Variants in FSTL5 observed in about 807,000 individuals in gnomAD.
FSTL5 encodes follistatin like 5.
Under a neutral mutation model 89.1 loss-of-function variants are expected in FSTL5, and 62 were observed. That is an observed-to-expected ratio of 0.70 (90% CI 0.57 to 0.86). The LOEUF (loss-of-function observed/expected upper bound fraction) is 0.86. Among genes scored for constraint, FSTL5 ranks in the 40% least tolerant of loss-of-function variants. FSTL5 has a pLI of 0.00. For synonymous variants in FSTL5, 383 were observed against 346.2 expected (o/e 1.11, Z -1.18); for missense variants, 1,057 against 1,001.6 (o/e 1.06, Z -0.75).
At chr4:161,947,253 TTCTA>T (rs72338368) in intron 3 of FSTL5, among the ~76,000 whole-genome samples, 76,753 of 151,192 alleles carry the variant, frequency 0.51, 20,885 homozygotes, top group Non-Finnish European at 0.61. Context: ...TTTTTTAAAG[TTCTA>T]TCTATCTTTT....
At chr4:161,919,551 G>A (rs1733934776) in intron 4 of FSTL5, among the ~76,000 whole-genome samples, 1 of 152,090 alleles carries the variant, frequency 6.6e-6, no homozygotes, top group African/African-American at 2.4e-5. Context: ...TATTAAACAG[G>A]TTTTTAAGTG....
intron 7 of FSTL5, among the ~76,000 whole-genome samples, chr4:161,633,167 A>T (rs944609966): frequency 6.6e-6 from 1 of 151,782 alleles, no homozygotes; most frequent in East Asian, 1.9e-4. Flanking sequence ...AAATTTATTA[A>T]AATAGCAAAA....
intron 4 of FSTL5, among the ~76,000 whole-genome samples, chr4:161,880,927 AT>A (rs969172972): frequency 6.6e-6 from 1 of 152,012 alleles, no homozygotes; most frequent in Non-Finnish European, 1.5e-5. Flanking sequence ...AGCAAAGGAA[AT>A]TTTTTTGAGT....
intron 8 of FSTL5, among the ~76,000 whole-genome samples, chr4:161,555,741 C>T (rs1732364212): frequency 6.6e-6 from 1 of 151,562 alleles, no homozygotes; most frequent in South Asian, 2.1e-4. Flanking sequence ...ATTCCCAGCC[C>T]ATTGCTAGGC....
intron 15 of FSTL5, among the ~76,000 whole-genome samples, chr4:161,437,568 AAAAAAAAAAAAAAACGAGGTCAG>A (rs1163426279): frequency 1.9e-5 from 2 of 106,168 alleles, no homozygotes; most frequent in African/African-American, 5.8e-5. Context: ...TCCGTCTCAA[AAAAAAAAAAAAAAACGAGGTCAG>A]AAAAGGTCTT....
At chr4:162,136,817 A>C (rs1321361831) in intron 1 of FSTL5, among the ~76,000 whole-genome samples, 1 of 152,094 alleles carries the variant, frequency 6.6e-6, no homozygotes, top group African/African-American at 2.4e-5. Context: ...GAGATTAAAA[A>C]AAAATCCTGA....
intron 2 of FSTL5, among the ~76,000 whole-genome samples, chr4:162,082,628 T>A (rs1477482724): frequency 2.0e-5 from 3 of 151,434 alleles, no homozygotes; most frequent in Admixed American, 1.3e-4. Flanking sequence ...CTAGGCCCAA[T>A]TCATTTATTT....
intron 10 of FSTL5, 114 bp downstream of exon 10, chr4:161,538,048 ATTTG>A: frequency 1.2e-6 from 1 of 852,982 alleles, no homozygotes; most frequent in Non-Finnish European, 1.8e-6. Context: ...TATAAAATCT[ATTTG>A]TTATAATGCA....
chr4:161,749,588 G>C lies in FSTL5; in HGVS notation c.727+9823C>G, dbSNP rs181606327. On this transcript the variant is annotated intron_variant, in intron 6 of 15. Transcript: ENST00000306100. ...TGAGGCGGGCGGATCCCGAGGTCAG[G>C]AGATCAAGACCATCCTAGCTAACAC... is the stretch of plus-strand genomic sequence containing the variant. Among the ~76,000 whole-genome samples the C allele has an allele frequency of 2.1e-3, 319 of 152,120 alleles. 2 individuals are homozygous for C. Among genetic ancestry groups the C allele is most frequent in the African/African-American group, 7.2e-3 (299 of 41,548 alleles).
intron 7 of FSTL5, among the ~76,000 whole-genome samples, chr4:161,605,426 T>C (rs1734404656): frequency 6.6e-6 from 1 of 151,984 alleles, no homozygotes; most frequent in African/African-American, 2.4e-5. Flanking sequence ...ACATGTTTGT[T>C]AAAAAAAATT....
chr4:162,069,311 A>G (rs1220163142), intron 2 of FSTL5, among the ~76,000 whole-genome samples: 2 of 152,042 alleles, frequency 1.3e-5, no homozygotes, highest in Non-Finnish European at 2.9e-5. Flanking sequence ...ATAGTTTAAT[A>G]TATGTATACA....
At chr4:162,094,206 G>A (rs1443895656) in intron 2 of FSTL5, among the ~76,000 whole-genome samples, 1 of 152,064 alleles carries the variant, frequency 6.6e-6, no homozygotes, top group Non-Finnish European at 1.5e-5. Context: ...GGCTAACAGG[G>A]TGAACCCCTT....
intron 2 of FSTL5, among the ~76,000 whole-genome samples, chr4:162,088,061 T>C (rs1203374283): frequency 6.6e-6 from 1 of 152,126 alleles, no homozygotes; most frequent in African/African-American, 2.4e-5. Flanking sequence ...GTAGCACTTT[T>C]AGTTAACTGC....
chr4:161,873,294 T>G (rs1732333357), intron 4 of FSTL5, among the ~76,000 whole-genome samples: 1 of 140,550 alleles, frequency 7.1e-6, no homozygotes, highest in African/African-American at 2.5e-5. Flanking sequence ...GTAAGCAGAT[T>G]TCACAATGAT....
chr4:161,889,598 C>T (rs1477081823), intron 4 of FSTL5, among the ~76,000 whole-genome samples: 11 of 152,082 alleles, frequency 7.2e-5, no homozygotes, highest in African/African-American at 1.4e-4. Flanking sequence ...GAGCCAAGAT[C>T]GTGCCATTGC....
Position 161,384,596 on chromosome 4 carries a change from T to C in FSTL5, c.*1151A>G, listed in dbSNP as rs1730548370. The C allele has an allele frequency of 6.6e-6, 1 of 152,148 alleles. No individual in the cohort carries two copies. Among genetic ancestry groups the C allele is most frequent in the Non-Finnish European group, 1.5e-5 (1 of 67,990 alleles). The allele number at this position is 152,148 out of a possible 1,614,324, so 9.4% of individuals were successfully genotyped here. Reference sequence around the variant, plus strand: ...ATTACAAGAAGATGGATAAAAGGAATCATTTGTGGAAATTTTAGAATAAAG... The same window carrying C: ...ATTACAAGAAGATGGATAAAAGGAACCATTTGTGGAAATTTTAGAATAAAG... On this transcript the variant is annotated 3_prime_UTR_variant, in exon 16 of 16. Coordinates refer to ENST00000306100, the MANE Select transcript of FSTL5 (RefSeq NM_020116.5).
At chr4:162,035,606 C>T (rs146249367) in intron 2 of FSTL5, among the ~76,000 whole-genome samples, 1 of 152,088 alleles carries the variant, frequency 6.6e-6, no homozygotes, top group Non-Finnish European at 1.5e-5. Context: ...GCACTTGGGG[C>T]ATTTGGTAGG....
At chr4:161,606,701 A>G (rs772635383) in intron 7 of FSTL5, among the ~76,000 whole-genome samples, 1 of 152,096 alleles carries the variant, frequency 6.6e-6, no homozygotes, top group Admixed American at 6.6e-5. Flanking sequence ...GAGTCATTGC[A>G]TTGGAAAATT....
intron 7 of FSTL5, among the ~76,000 whole-genome samples, chr4:161,607,427 C>A (rs1430775901): frequency 6.6e-6 from 1 of 151,986 alleles, no homozygotes; most frequent in African/African-American, 2.4e-5. Context: ...ATATATAATA[C>A]TATAAAATAC....
Sources: gnomAD v4.1 joint callset for allele counts (sites outside exome capture counted in the v4.1 genomes callset) on GRCh38, gnomAD v4.1.1 for gene constraint, MANE v1.5 for transcripts, NCBI Gene and HGNC (gene_info 2026-07-23, HGNC 2026-07-21) for gene names.